STARD13: variants seen among roughly 807,000 people sequenced by gnomAD.
STARD13 encodes stAR-related lipid transfer protein 13.
Under a neutral mutation model 106.4 loss-of-function variants are expected in STARD13, and 62 were observed. The observed-to-expected ratio is 0.58, with a 90% CI of 0.48 to 0.72. STARD13 has a LOEUF of 0.72. Ranked by LOEUF, STARD13 falls within the 30% of genes least tolerant of loss-of-function variation. The pLI, the probability that STARD13 is intolerant of heterozygous loss-of-function variation, is 0.00. For synonymous variants in STARD13, 565 were observed against 553.0 expected, an observed-to-expected ratio of 1.02 and a Z score of -0.31; for missense variants, 1,387 against 1,424.0, an observed-to-expected ratio of 0.97 and a Z score of 0.42.
the STARD13 span, among the ~76,000 whole-genome samples, chr13:33,568,632 GTT>G: frequency 6.8e-6 from 1 of 147,842 alleles, no homozygotes; most frequent in Non-Finnish European, 1.5e-5. Context: ...TTAAGAATTA[GTT>G]TCTTGGGTTG....
At chr13:33,285,852 G>A, upstream of STARD13, 1 of 1,180,870 alleles carries the variant, frequency 8.5e-7, no homozygotes, top group South Asian at 1.9e-5. Context: ...GAGGAAAATG[G>A]GAACGTTTGC....
the STARD13 span, among the ~76,000 whole-genome samples, chr13:33,542,706 A>C: frequency 6.6e-6 from 1 of 152,174 alleles, no homozygotes; most frequent in South Asian, 2.1e-4. Context: ...CAGAAGTCTT[A>C]ATATCCGGGA....
chr13:33,418,320 G>A, the STARD13 span, among the ~76,000 whole-genome samples: 24 of 152,330 alleles, frequency 1.6e-4, 1 homozygote, highest in Admixed American at 1.3e-3. Context: ...CCACGCCCAC[G>A]GAGCCTTGCT....
upstream of STARD13, chr13:33,285,812 A>C: frequency 2.2e-6 from 3 of 1,390,308 alleles, no homozygotes; most frequent in Non-Finnish European, 1.9e-6. Flanking sequence ...CGGGGCCCTC[A>C]CGTGACCTCG....
downstream of STARD13, among the ~76,000 whole-genome samples, chr13:33,344,913 T>C (rs960251740): frequency 3.3e-5 from 5 of 152,222 alleles, no homozygotes; most frequent in African/African-American, 1.2e-4. Flanking sequence ...AGGAAAGTCA[T>C]TTGAATGTTC....
the STARD13 span, among the ~76,000 whole-genome samples, chr13:33,524,760 C>A: frequency 6.6e-6 from 1 of 151,558 alleles, no homozygotes; most frequent in Non-Finnish European, 1.5e-5. Context: ...TTATGGTGTA[C>A]GATATGATGT....
the STARD13 span, among the ~76,000 whole-genome samples, chr13:33,569,323 G>C: frequency 6.8e-6 from 1 of 147,776 alleles, no homozygotes; most frequent in African/African-American, 2.5e-5. Context: ...TATTGAATAT[G>C]AGCTGTAAAA....
chr13:33,350,406 C>T, exon 1 of STARD13: 1 of 1,533,350 alleles, frequency 6.5e-7, no homozygotes, highest in Non-Finnish European at 8.7e-7. Context: ...TTTCCGTTTG[C>T]TGGTCATTTT....
chr13:33,622,674 C>T, the STARD13 span, among the ~76,000 whole-genome samples: 1 of 146,652 alleles, frequency 6.8e-6, no homozygotes, highest in Non-Finnish European at 1.5e-5. Flanking sequence ...GTACTCCCAG[C>T]ACTTTGGGAG....
chr13:33,410,622 C>T, the STARD13 span, among the ~76,000 whole-genome samples: 196 of 152,334 alleles, frequency 1.3e-3, 1 homozygote, highest in Admixed American at 2.5e-3. Context: ...AAGGAAACCA[C>T]TTGTGAGGGA....
chr13:33,547,399 C>T, the STARD13 span, among the ~76,000 whole-genome samples: 1 of 152,104 alleles, frequency 6.6e-6, no homozygotes, highest in African/African-American at 2.4e-5. Flanking sequence ...CATATTTATA[C>T]TTTTTTCACA....
intron 1 of STARD13, among the ~76,000 whole-genome samples, chr13:33,196,852 G>C (rs962211621): frequency 7.9e-5 from 12 of 152,172 alleles, no homozygotes; most frequent in African/African-American, 2.7e-4. Flanking sequence ...ATTTAGACCA[G>C]AAAAGAAGCC....
chr13:33,223,802 A>G (rs1401002026), intron 1 of STARD13, among the ~76,000 whole-genome samples: 1 of 152,128 alleles, frequency 6.6e-6, no homozygotes, highest in Non-Finnish European at 1.5e-5. Flanking sequence ...CAGTTTGTAC[A>G]TTTATAAAAT....
chr13:33,351,527 C>A (rs1440614140), upstream of STARD13, among the ~76,000 whole-genome samples: 1 of 152,166 alleles, frequency 6.6e-6, no homozygotes, highest in Non-Finnish European at 1.5e-5. Context: ...CTCGGGGTGT[C>A]CTGCAGTTCA....
At chr13:33,177,616 C>T (rs1410797230) in intron 1 of STARD13, among the ~76,000 whole-genome samples, 3 of 151,630 alleles carry the variant, frequency 2.0e-5, no homozygotes. Context: ...CAAATGAAGG[C>T]ACTATGCTTA....
At chr13:33,333,976 A>G (rs945479905) in intron 1 of STARD13, 29 of 152,206 alleles carry the variant, frequency 1.9e-4, no homozygotes, top group Non-Finnish European at 3.7e-4. Context: ...CTGAAGTTCC[A>G]TCAGCTCTTC....
chr13:33,501,842 G>A, the STARD13 span, among the ~76,000 whole-genome samples: 1 of 152,096 alleles, frequency 6.6e-6, no homozygotes, highest in Non-Finnish European at 1.5e-5. Context: ...TTTGGCTTAG[G>A]ATTGTCATGG....
At chr13:33,157,043 A>G (rs1466012802) in intron 3 of STARD13, among the ~76,000 whole-genome samples, 2 of 152,188 alleles carry the variant, frequency 1.3e-5, no homozygotes, top group African/African-American at 4.8e-5. Context: ...TATTTAAAAT[A>G]TCAATATTCA....
At chr13:33,207,109 T>C (rs1434962128) in intron 1 of STARD13, among the ~76,000 whole-genome samples, 2 of 152,196 alleles carry the variant, frequency 1.3e-5, no homozygotes, top group African/African-American at 2.4e-5. Flanking sequence ...GATACCAAAC[T>C]ACCACTGCCT....
Sources: allele counts gnomAD v4.1 joint callset (sites outside exome capture counted in the v4.1 genomes callset), GRCh38; gene constraint gnomAD v4.1.1; transcripts MANE v1.5; gene names NCBI Gene and HGNC (gene_info 2026-07-23, HGNC 2026-07-21).